The following CSMD1 variants were observed in gnomAD, a reference collection of about 807,000 sequenced individuals.
CSMD1 encodes CUB and sushi domain-containing protein 1.
A neutral mutation model predicts 417.5 loss-of-function variants in CSMD1; 213 were observed. The observed-to-expected ratio is 0.51, with a 90% CI of 0.46 to 0.57. CSMD1 has a LOEUF of 0.57. CSMD1 is among the 20% of genes least tolerant of loss of function. The pLI is 0.00. For synonymous variants in CSMD1, 2,862 were observed against 1,736.8 expected (o/e 1.65, Z -16.11); for missense variants, 6,923 against 4,529.7 (o/e 1.53, Z -15.17).
In CSMD1 at chr8:4,944,708, G is replaced by A. The variant is rs542626312; in HGVS notation, c.85+49624C>T. 1.9e-4 allele frequency among the ~76,000 whole-genome samples: 29 copies of A among 152,216 alleles called. No individual in the cohort carries two copies. In the South Asian group the frequency reaches 3.5e-3, roughly 18 times the overall value. ...ATCATCACCTCACACCCACGCAGAT[G>A]ACTACTGTCGAAAAGAAATAAATCA... is the stretch of plus-strand genomic sequence containing the variant. On this transcript the variant is annotated intron_variant, in intron 1 of 69. Coordinates refer to ENST00000635120, the MANE Select transcript of CSMD1 (RefSeq NM_033225.6).
At chr8:3,423,038 A>G (rs1393433387) in intron 12 of CSMD1, among the ~76,000 whole-genome samples, 2 of 152,222 alleles carry the variant, frequency 1.3e-5, no homozygotes, top group East Asian at 1.9e-4. Flanking sequence ...CACCAGCACC[A>G]GCTAGTCGAG....
intron 23 of CSMD1, among the ~76,000 whole-genome samples, chr8:3,335,689 T>C (rs770425345): frequency 1.3e-5 from 2 of 152,030 alleles, no homozygotes; most frequent in Non-Finnish European, 2.9e-5. Flanking sequence ...AAAATAATAA[T>C]AATAAATAAA....
At chr8:4,047,085 G>A (rs1234203640) in intron 3 of CSMD1, among the ~76,000 whole-genome samples, 1 of 152,166 alleles carries the variant, frequency 6.6e-6, no homozygotes, top group African/African-American at 2.4e-5. Flanking sequence ...TTTAAAAATG[G>A]TCTCTATGGC....
intron 10 of CSMD1, among the ~76,000 whole-genome samples, chr8:3,547,824 G>T (rs964494293): frequency 6.6e-6 from 1 of 152,088 alleles, no homozygotes; most frequent in Non-Finnish European, 1.5e-5. Context: ...TTAAAGACAT[G>T]CAAACAAAGT....
intron 43 of CSMD1, among the ~76,000 whole-genome samples, 165 bp from the exon 44 acceptor site, chr8:3,108,913 G>C (rs1012943584): frequency 6.6e-6 from 1 of 152,218 alleles, no homozygotes; most frequent in Non-Finnish European, 1.5e-5. Context: ...CCACAAAGTT[G>C]AGGAACCCTC....
chr8:3,799,432 T>G (rs917128849), intron 5 of CSMD1, among the ~76,000 whole-genome samples: 1 of 124,110 alleles, frequency 8.1e-6, no homozygotes, highest in African/African-American at 3.1e-5. Flanking sequence ...GTGTGTGATG[T>G]TCCCCTTCTT....
chr8:4,972,377 G>A (rs561479382), intron 1 of CSMD1, among the ~76,000 whole-genome samples: 1 of 152,228 alleles, frequency 6.6e-6, no homozygotes, highest in South Asian at 2.1e-4. Flanking sequence ...CATGGGAGCA[G>A]TTCCCCCCAT....
At chr8:3,091,754 C>G (rs993744003) in intron 47 of CSMD1, 92 bp from the exon 48 acceptor site, 15 of 1,065,866 alleles carry the variant, frequency 1.4e-5, no homozygotes, top group Admixed American at 2.8e-5. Context: ...CTGGAGTCTA[C>G]GTGTGCAATA....
chr8:3,708,154 G>C (rs1032917812), intron 7 of CSMD1, among the ~76,000 whole-genome samples: 1 of 152,156 alleles, frequency 6.6e-6, no homozygotes, highest in Non-Finnish European at 1.5e-5. Context: ...ATACTTAAGA[G>C]AGACATCTGG....
intron 3 of CSMD1, among the ~76,000 whole-genome samples, chr8:4,106,532 T>G (rs902985003): frequency 1.3e-5 from 2 of 152,152 alleles, no homozygotes; most frequent in African/African-American, 4.8e-5. Flanking sequence ...TATGATATTT[T>G]AAATTTAAGA....
At chr8:3,329,813 G>C (rs1361553894) in intron 23 of CSMD1, among the ~76,000 whole-genome samples, 1 of 152,180 alleles carries the variant, frequency 6.6e-6, no homozygotes. Flanking sequence ...CTCCTTGTCT[G>C]CTAGGGGCTA....
rs1202770604 is a variant in CSMD1 at position 4,267,074 on chromosome 8, G to C, written c.415+152879C>G. 2.9e-5 allele frequency among the ~76,000 whole-genome samples: 3 copies of C among 103,580 alleles called. 1 individual carries two copies. The highest frequency in any genetic ancestry group is 7.8e-5 in the African/African-American group (3 of 38,308). The allele number at this position is 103,580 out of a possible 152,430, so 68.0% of individuals were successfully genotyped here. A position where few individuals can be genotyped will look rare whatever the true frequency, so the allele number is the denominator to read the frequency against. On this transcript the variant is annotated intron_variant, in intron 3 of 69. Transcript: ENST00000635120. ...CCTGTTAAAGAGACAAGAATAGAGT[G>C]TCTGTTTACTTCAATGTTATTTTTT...
chr8:3,670,760 G>T (rs1220439667), intron 7 of CSMD1, among the ~76,000 whole-genome samples: 2 of 136,908 alleles, frequency 1.5e-5, no homozygotes, highest in Middle Eastern at 4.9e-3. Context: ...GGATATATAT[G>T]TATGGGATAT....
chr8:3,474,458 T>C (rs1367030091), intron 11 of CSMD1, among the ~76,000 whole-genome samples: 2 of 152,160 alleles, frequency 1.3e-5, no homozygotes, highest in Non-Finnish European at 2.9e-5. Context: ...CCTATGAATG[T>C]CACTCATCCA....
At chr8:4,812,091 T>G (rs1002719785) in intron 1 of CSMD1, among the ~76,000 whole-genome samples, 3 of 152,214 alleles carry the variant, frequency 2.0e-5, no homozygotes, top group Non-Finnish European at 4.4e-5. Context: ...CGAAAATTCC[T>G]ACGCAGCTGG....
At chr8:3,837,921 C>G (rs915050320) in intron 5 of CSMD1, among the ~76,000 whole-genome samples, 3 of 152,036 alleles carry the variant, frequency 2.0e-5, no homozygotes, top group Non-Finnish European at 4.4e-5. Context: ...GATGAATATA[C>G]TGTTTTTCAA....
chr8:4,329,891 C>T (rs1009434655), intron 3 of CSMD1, among the ~76,000 whole-genome samples: 4 of 151,960 alleles, frequency 2.6e-5, no homozygotes, highest in African/African-American at 9.7e-5. Context: ...CACACTCTTT[C>T]TCTCTTGTTC....
chr8:3,051,174 A>G (rs1811791847), intron 50 of CSMD1, among the ~76,000 whole-genome samples: 1 of 152,244 alleles, frequency 6.6e-6, no homozygotes, highest in African/African-American at 2.4e-5. Context: ...GCTATTCACA[A>G]TAGCAAAGAT....
At chr8:3,183,374 G>C (rs997064261) in intron 36 of CSMD1, among the ~76,000 whole-genome samples, 1 of 146,024 alleles carries the variant, frequency 6.8e-6, no homozygotes, top group Non-Finnish European at 1.5e-5. Flanking sequence ...GATACCATCG[G>C]CACCCACCGA....
Sources: gnomAD v4.1 joint callset for allele counts (sites outside exome capture counted in the v4.1 genomes callset) on GRCh38, gnomAD v4.1.1 for gene constraint, MANE v1.5 for transcripts, NCBI Gene and HGNC (gene_info 2026-07-23, HGNC 2026-07-21) for gene names.